ST14: variants seen among roughly 807,000 people sequenced by gnomAD.
ST14 encodes ST14 transmembrane serine protease matriptase.
A neutral mutation model predicts 96.5 loss-of-function variants in ST14; 40 were observed. The ratio of observed to expected loss-of-function variants is 0.41; its 90% CI spans 0.32 to 0.54. The LOEUF (loss-of-function observed/expected upper bound fraction) is 0.54, where lower values mean the gene tolerates loss of function less well. ST14 is among the 20% of genes least tolerant of loss of function. The pLI is 0.17. For missense variants in ST14, 1,066 were observed against 1,188.9 expected (o/e 0.90, Z 1.52); for synonymous variants, 506 against 492.1 (o/e 1.03, Z -0.37).
chr11:130,189,393 C>T (rs1953270855), intron 4 of ST14: 1 of 464,562 alleles, frequency 2.2e-6, no homozygotes, highest in Non-Finnish European at 3.9e-6. Flanking sequence ...TGGCAGGTGG[C>T]ATTCCCAGTT....
rs772078087 is a variant in ST14 at position 130,207,411 on chromosome 11, C to T, written c.1995-999C>T. ...ACTAAAAATACAAAAATTAGCCAGG[C>T]GTGGCTGCACATGCCTGTAGTCCCA... On this transcript the variant is annotated intron_variant, in intron 16 of 18. Transcript: ENST00000278742. Among the ~76,000 whole-genome samples the T allele has an allele frequency of 2.0e-5, 3 of 152,128 alleles. No individual in the cohort carries two copies. The South Asian group carries it at 6.2e-4, about 31-fold the overall frequency.
intron 16 of ST14, among the ~76,000 whole-genome samples, chr11:130,203,878 T>G (rs980708145): frequency 4.6e-5 from 7 of 152,208 alleles, no homozygotes; most frequent in Non-Finnish European, 7.3e-5. Flanking sequence ...GGTCTTGAAC[T>G]CCTGACCACG....
rs576257186 is a variant in ST14, at chr11:130,200,005, C to T, written c.1862C>T (p.Ala621Val). The T allele has an allele frequency of 6.9e-5, 112 of 1,614,030 alleles. 1 individual carries two copies. The South Asian group carries it at 1.1e-3, about 16-fold the overall frequency. ...GCTCGTGTTGTTGGGGGCACGGATG[C>T]GGATGAGGGCGAGTGGCCCTGGCAG... ...RQARVVGGTD[A>V]DEGEWPWQVS... is the part of the protein sequence containing the mutation. Residue 621 changes from alanine (A) to valine (V), a missense_variant, in exon 16 of 19, where the codon GCG becomes GTG. Ala to Val is a moderately conservative substitution (Grantham distance 64). Transcript: ENST00000278742.
In ST14 at chr11:130,181,641, C is replaced by T. The variant is rs185890432; in HGVS notation, c.82-6473C>T. 6.6e-6 allele frequency among the ~76,000 whole-genome samples: 1 copy of T among 152,090 alleles called. No homozygotes were observed. Among genetic ancestry groups the T allele is most frequent in the Non-Finnish European group, 1.5e-5 (1 of 68,008 alleles). The stretch of plus-strand genomic sequence containing the variant: ...TGGATGGGAGTTCCCTGAGACCTCC[C>T]CCTCCCACCTCCCCCACCCAGGAGT... On this transcript the variant is annotated intron_variant, in intron 1 of 18. Coordinates refer to ENST00000278742, the MANE Select transcript of ST14 (RefSeq NM_021978.4). The surrounding 1 kb of genome is among the most constrained non-coding windows in gnomAD (Gnocchi z 4.1).
chr11:130,173,064 C>T (rs1441129347), intron 1 of ST14, among the ~76,000 whole-genome samples: 1 of 152,146 alleles, frequency 6.6e-6, no homozygotes, highest in African/African-American at 2.4e-5. Flanking sequence ...CCCTGAGCTG[C>T]TGGGGCAAAT....
At position 130,208,617 on chromosome 11, in the gene ST14, C is replaced by T. The variant is rs1953513589; in HGVS notation, c.2202C>T (p.Asp734=). 4 of 1,614,032 alleles carry T rather than the reference C, an allele frequency of 2.5e-6. No homozygotes were observed. Among genetic ancestry groups the T allele is most frequent in the South Asian group, 1.1e-5 (1 of 91,072 alleles). Residue 734 remains aspartate (D), a synonymous_variant, in exon 17 of 19, where the codon GAC becomes GAT. Coordinates refer to ENST00000278742, the MANE Select transcript of ST14 (RefSeq NM_021978.4). The stretch of plus-strand genomic sequence containing the variant: ...TGGTGCGGCCCATCTGCCTGCCGGA[C>T]GCCTCCCATGTCTTCCCTGCCGGCA... ...SSMVRPICLP[D]ASHVFPAGKA... is the part of the protein sequence containing the mutation.
chr11:130,175,869 G>A (rs1953132563), intron 1 of ST14, among the ~76,000 whole-genome samples: 1 of 151,526 alleles, frequency 6.6e-6, no homozygotes, highest in Non-Finnish European at 1.5e-5. Context: ...CATCATGTTG[G>A]CCAGGCTGGT....
chr11:130,175,871 C>G (rs185312853), intron 1 of ST14, among the ~76,000 whole-genome samples: 1 of 152,070 alleles, frequency 6.6e-6, no homozygotes, highest in African/African-American at 2.4e-5. Flanking sequence ...TCATGTTGGC[C>G]AGGCTGGTTT....
intron 1 of ST14, among the ~76,000 whole-genome samples, chr11:130,180,193 C>G (rs1002094995): frequency 6.6e-6 from 1 of 152,188 alleles, no homozygotes; most frequent in Non-Finnish European, 1.5e-5. Flanking sequence ...GGCAGCACAG[C>G]TGTGTCCCTA....
In ST14 at chr11:130,194,263, C is replaced by T. The variant is rs1953335504; in HGVS notation, c.990C>T (p.Thr330=). Residue 330 remains threonine (T), a synonymous_variant, in exon 8 of 19, where the codon ACC becomes ACT. Coordinates refer to ENST00000278742, the MANE Select transcript of ST14 (RefSeq NM_021978.4). ...GGCGGCATCCCGGCTTTGAGGCCAC[C>T]TTCTTCCAGCTGCCTAGGATGAGCA... is the stretch of plus-strand genomic sequence containing the variant. The part of the protein sequence containing the change: ...TERRHPGFEA[T]FFQLPRMSSC... 6.2e-7 allele frequency: 1 copy of T among 1,614,254 alleles called. No homozygotes were observed. Among genetic ancestry groups the T allele is most frequent in the Non-Finnish European group, 8.5e-7 (1 of 1,180,044 alleles).
intron 1 of ST14, among the ~76,000 whole-genome samples, chr11:130,162,458 G>T (rs193241222): frequency 6.6e-4 from 100 of 152,256 alleles, no homozygotes; most frequent in African/African-American, 2.3e-3. Context: ...GATCACAATT[G>T]CCCTAGGTAA....
At chr11:130,175,894 C>A (rs1255080416) in intron 1 of ST14, among the ~76,000 whole-genome samples, 2 of 151,584 alleles carry the variant, frequency 1.3e-5, no homozygotes, top group African/African-American at 4.9e-5. Flanking sequence ...AACTCCTGAC[C>A]TCAGGTGATC....
chr11:130,166,167 T>C (rs1029561364), intron 1 of ST14, among the ~76,000 whole-genome samples: 1 of 152,266 alleles, frequency 6.6e-6, no homozygotes, highest in Non-Finnish European at 1.5e-5. Flanking sequence ...TTATGTATTA[T>C]ACATATGATT....
At chr11:130,191,025 G>A (rs1026972475) in intron 7 of ST14, among the ~76,000 whole-genome samples, 20 of 152,226 alleles carry the variant, frequency 1.3e-4, no homozygotes, top group African/African-American at 4.1e-4. Flanking sequence ...GGATATGAAG[G>A]CCAACAGATC....
Position 130,190,573 on chromosome 11 carries a change from G to A in ST14, c.754G>A (p.Ala252Thr), listed in dbSNP as rs974470495. The A allele has an allele frequency of 4.3e-6, 7 of 1,612,600 alleles. No individual in the cohort carries two copies. Among genetic ancestry groups the A allele is most frequent in the East Asian group, 4.5e-5 (2 of 44,870 alleles). The change falls in exon 7 of 19, where the codon GCC (alanine) becomes ACC (threonine). Residue 252 changes from alanine to threonine, a missense_variant. Coordinates refer to ENST00000278742, the MANE Select transcript of ST14 (RefSeq NM_021978.4). ...CTGCCAGTGGGCCCTGCGGGGGGAC[G>A]CCGACTCAGTGCTGAGCCTCACCTT... ...ARCQWALRGDADSVLSLTFRS... is the reference protein window; with the variant it reads ...ARCQWALRGDTDSVLSLTFRS...
chr11:130,207,257 A>T (rs1423434953), intron 16 of ST14, among the ~76,000 whole-genome samples: 1 of 152,220 alleles, frequency 6.6e-6, no homozygotes, highest in Non-Finnish European at 1.5e-5. Context: ...CCAGTTTTTA[A>T]GAATTGTGAG....
intron 1 of ST14, among the ~76,000 whole-genome samples, chr11:130,179,654 C>T (rs548713586): frequency 1.3e-5 from 2 of 152,290 alleles, no homozygotes; most frequent in South Asian, 4.1e-4. Flanking sequence ...TGGGGTCCCT[C>T]CTAGCCGGAG....
chr11:130,179,830 G>A (rs1953174101), intron 1 of ST14, among the ~76,000 whole-genome samples: 1 of 152,206 alleles, frequency 6.6e-6, no homozygotes, highest in African/African-American at 2.4e-5. Context: ...GGGTTTCCGG[G>A]AAATCTGGCC....
At chr11:130,202,367 G>A (rs565158004) in intron 16 of ST14, among the ~76,000 whole-genome samples, 15 of 152,316 alleles carry the variant, frequency 9.8e-5, no homozygotes, top group African/African-American at 3.6e-4. Context: ...TCACAGACTT[G>A]TAAGGGTAGG....
Sources: gnomAD v4.1 joint callset for allele counts (sites outside exome capture counted in the v4.1 genomes callset) on GRCh38, gnomAD v4.1.1 for gene constraint, Gnocchi (gnomAD v3.1) non-coding constraint, MANE v1.5 for transcripts, NCBI Gene and HGNC (gene_info 2026-07-23, HGNC 2026-07-21) for gene names.